Variants in UST observed in about 807,000 individuals in gnomAD.
The protein encoded by UST is chondroitin sulfate 2-O-sulfotransferase.
In UST, 21 loss-of-function variants were observed where a neutral mutation model predicts 45.6. The ratio of observed to expected loss-of-function variants is 0.46; its 90% CI spans 0.33 to 0.66. The LOEUF (loss-of-function observed/expected upper bound fraction) is 0.66, where lower values mean the gene tolerates loss of function less well. Ranked by LOEUF, UST falls within the 30% of genes least tolerant of loss-of-function variation. The pLI is 0.02. For missense variants in UST, 463 were observed against 512.4 expected (o/e 0.90, Z 0.93); for synonymous variants, 215 against 200.6 (o/e 1.07, Z -0.61).
At chr6:148,981,312 A>G (rs985767600) in intron 5 of UST, among the ~76,000 whole-genome samples, 1 of 152,232 alleles carries the variant, frequency 6.6e-6, no homozygotes, top group Admixed American at 6.5e-5. Flanking sequence ...TAACTTGCCT[A>G]CAGTGAAGCC....
intron 5 of UST, among the ~76,000 whole-genome samples, chr6:149,000,545 C>A (rs1483806172): frequency 6.6e-6 from 1 of 151,714 alleles, no homozygotes; most frequent in African/African-American, 2.4e-5. Context: ...GCCTACAGAC[C>A]ATACATTCTA....
chr6:148,747,229 T>G lies in UST; in HGVS notation c.-202T>G. On this transcript the variant is annotated 5_prime_UTR_variant, in exon 1 of 8. Transcript: ENST00000367463. ...GCGCCCCGAACCGGGGCCGGACACC[T>G]CGGCCGCTCGGGCCGCGGCGGCGGG... 1 of 504,324 alleles carries G rather than the reference T, an allele frequency of 2.0e-6. No homozygotes were observed. The highest frequency in any genetic ancestry group is 3.0e-6 in the Non-Finnish European group (1 of 331,960). The allele number at this position is 504,324 out of a possible 1,614,324, so 31.2% of individuals were successfully genotyped here.
chr6:149,047,132 A>C (rs906948977), intron 7 of UST, among the ~76,000 whole-genome samples: 1 of 152,194 alleles, frequency 6.6e-6, no homozygotes, highest in African/African-American at 2.4e-5. Flanking sequence ...TTGCTCTTCT[A>C]GTTTATTTTT....
intron 7 of UST, among the ~76,000 whole-genome samples, chr6:149,072,271 T>C (rs1212778135): frequency 2.0e-5 from 3 of 152,180 alleles, no homozygotes; most frequent in African/African-American, 7.2e-5. Flanking sequence ...AAGCAAAAGA[T>C]GGAAACAACC....
At chr6:149,029,306 A>G (rs2115024261) in intron 7 of UST, among the ~76,000 whole-genome samples, 1 of 148,192 alleles carries the variant, frequency 6.7e-6, no homozygotes, top group South Asian at 2.1e-4. Flanking sequence ...AATTATATAT[A>G]AAGTATATGT....
chr6:148,754,097 C>G (rs1776043107), intron 1 of UST, among the ~76,000 whole-genome samples: 2 of 151,728 alleles, frequency 1.3e-5, no homozygotes, highest in African/African-American at 4.8e-5. Context: ...CAGGTACACG[C>G]CATTCTCCTG....
chr6:148,750,320 A>G (rs1775966058), intron 1 of UST, among the ~76,000 whole-genome samples: 3 of 152,224 alleles, frequency 2.0e-5, no homozygotes, highest in Non-Finnish European at 1.5e-5. Context: ...TGTGATATTT[A>G]ACGTACTGAA....
chr6:148,782,784 G>A (rs1263848071), intron 1 of UST, among the ~76,000 whole-genome samples: 2 of 152,128 alleles, frequency 1.3e-5, no homozygotes, highest in Non-Finnish European at 2.9e-5. Flanking sequence ...CCAAAAAAGC[G>A]GCTTCTTGAG....
At chr6:149,012,625 C>T (rs183261002) in intron 5 of UST, among the ~76,000 whole-genome samples, 24 of 152,208 alleles carry the variant, frequency 1.6e-4, no homozygotes, top group Admixed American at 2.6e-4. Flanking sequence ...TGTTACATTG[C>T]GTCATGTGCA....
intron 1 of UST, among the ~76,000 whole-genome samples, chr6:148,867,269 T>A: frequency 6.8e-6 from 1 of 147,140 alleles, no homozygotes; most frequent in African/African-American, 2.5e-5. Context: ...CTACCTTTCT[T>A]TGAGGCATTG....
At chr6:149,034,868 CT>C (rs1776218931) in intron 7 of UST, among the ~76,000 whole-genome samples, 1 of 137,802 alleles carries the variant, frequency 7.3e-6, no homozygotes, top group African/African-American at 3.2e-5. Flanking sequence ...CTCTCTCTCT[CT>C]CTCTCTCTCT....
At chr6:148,956,491 T>G (rs2114945438) in intron 4 of UST, among the ~76,000 whole-genome samples, 1 of 152,290 alleles carries the variant, frequency 6.6e-6, no homozygotes, top group Middle Eastern at 3.4e-3. Context: ...ATGATTCAAA[T>G]TATCTCCCAT....
intron 1 of UST, among the ~76,000 whole-genome samples, chr6:148,794,496 G>GT (rs1188472178): frequency 6.6e-6 from 1 of 152,112 alleles, no homozygotes; most frequent in Non-Finnish European, 1.5e-5. Context: ...TCTTTCTTTT[G>GT]TAAGTGTTGT....
At chr6:148,898,547 G>C (rs1165404755) in intron 2 of UST, among the ~76,000 whole-genome samples, 1 of 152,142 alleles carries the variant, frequency 6.6e-6, no homozygotes, top group Non-Finnish European at 1.5e-5. Context: ...TCAACTTTCA[G>C]TGGAGATCCA....
chr6:148,848,074 G>GA (rs1008516187), intron 1 of UST, among the ~76,000 whole-genome samples: 1 of 152,098 alleles, frequency 6.6e-6, no homozygotes, highest in African/African-American at 2.4e-5. Flanking sequence ...ACCAGACACG[G>GA]AAAAAAATCT....
chr6:148,850,178 C>T (rs571127745), intron 1 of UST, among the ~76,000 whole-genome samples: 139 of 152,244 alleles, frequency 9.1e-4, no homozygotes, highest in African/African-American at 3.3e-3. Context: ...GATACAGATA[C>T]TATTATTATT....
intron 1 of UST, among the ~76,000 whole-genome samples, chr6:148,774,610 A>T (rs1776495418): frequency 6.6e-6 from 1 of 152,226 alleles, no homozygotes; most frequent in African/African-American, 2.4e-5. Flanking sequence ...CGTGAAGTAT[A>T]ATCTGTTAGA....
At chr6:148,813,621 C>T (rs951232223) in intron 1 of UST, among the ~76,000 whole-genome samples, 8 of 152,162 alleles carry the variant, frequency 5.3e-5, no homozygotes, top group African/African-American at 1.9e-4. Flanking sequence ...ACCTTGTGAT[C>T]CACCCACCTT....
rs76698174 is a variant in UST, at chr6:148,766,990, G to A, written c.247+19313G>A. Among the ~76,000 whole-genome samples the A allele has an allele frequency of 7.2e-3, 1,089 of 152,302 alleles. 10 individuals are homozygous for A. Among genetic ancestry groups the A allele is most frequent in the African/African-American group, 0.023 (963 of 41,558 alleles). On this transcript the variant is annotated intron_variant, in intron 1 of 7. Transcript: ENST00000367463. ...TCTGGCATCTCTCAAACTTTAATGT[G>A]CATGCAAATCACTCGAGGATTTGTT...
Sources: allele counts gnomAD v4.1 joint callset (sites outside exome capture counted in the v4.1 genomes callset), GRCh38; gene constraint gnomAD v4.1.1; transcripts MANE v1.5; gene names NCBI Gene and HGNC (gene_info 2026-07-23, HGNC 2026-07-21).